IMMP2L: variants seen among roughly 807,000 people sequenced by gnomAD.
IMMP2L encodes the protein mitochondrial inner membrane protease subunit 2.
A neutral mutation model predicts 19.3 loss-of-function variants in IMMP2L; 18 were observed. The observed-to-expected ratio is 0.93, with a 90% CI of 0.64 to 1.38. The LOEUF (loss-of-function observed/expected upper bound fraction) is 1.38. Ranked by LOEUF, IMMP2L falls within the 40% of genes most tolerant of loss-of-function variation. The probability of loss-of-function intolerance (pLI) is 0.00; values close to 1 mark genes in which losing one functional copy is unlikely to be tolerated. For synonymous variants in IMMP2L, 76 were observed against 73.0 expected (o/e 1.04, Z -0.21); for missense variants, 233 against 218.2 (o/e 1.07, Z -0.43).
intron 4 of IMMP2L, among the ~76,000 whole-genome samples, chr7:110,919,461 A>G (rs1209103620): frequency 1.3e-5 from 2 of 152,166 alleles, no homozygotes; most frequent in African/African-American, 2.4e-5. Flanking sequence ...GACCTTTCTC[A>G]TAGAGACTCT....
In IMMP2L at chr7:111,521,324, C is replaced by G. The variant is rs1447584278; in HGVS notation, c.124G>C (p.Ala42Pro). 6.2e-7 allele frequency: 1 copy of G among 1,611,864 alleles called. No individual in the cohort carries two copies. The highest frequency in any genetic ancestry group is 1.1e-5 in the South Asian group (1 of 90,860). Residue 42 changes from alanine (A) to proline (P), a missense_variant, in exon 2 of 6, where the codon GCA becomes CCA. By Grantham distance (27) the Ala-to-Pro change is conservative. Coordinates refer to ENST00000405709, the MANE Select transcript of IMMP2L (RefSeq NM_032549.4). Reference protein sequence around the residue: ...RVACVARVEGASMQPSLNPGG... With the variant: ...RVACVARVEGPSMQPSLNPGG... ...TATATCATTTTCACCTGCATCGATG[C>G]TCCTTCTACTCTTGCCACACAGGCG...
chr7:110,808,322 A>G (rs1030874505), intron 5 of IMMP2L, among the ~76,000 whole-genome samples: 22 of 152,068 alleles, frequency 1.4e-4, no homozygotes, highest in Non-Finnish European at 2.8e-4. Flanking sequence ...AGCAGCCACC[A>G]TGCGCTAACA....
intron 3 of IMMP2L, among the ~76,000 whole-genome samples, chr7:111,173,373 A>C (rs1806668007): frequency 6.6e-6 from 1 of 151,650 alleles, no homozygotes; most frequent in Non-Finnish European, 1.5e-5. Flanking sequence ...ACACAATTTT[A>C]ATCACCTGAA....
intron 3 of IMMP2L, among the ~76,000 whole-genome samples, chr7:111,057,293 A>G (rs535299928): frequency 6.6e-6 from 1 of 152,314 alleles, no homozygotes; most frequent in African/African-American, 2.4e-5. Flanking sequence ...CCATTCCTCC[A>G]GAATATGAAA....
intron 2 of IMMP2L, among the ~76,000 whole-genome samples, chr7:111,508,408 ATTG>A (rs1262137716): frequency 6.6e-6 from 1 of 152,202 alleles, no homozygotes; most frequent in African/African-American, 2.4e-5. Flanking sequence ...TTGGTATAAT[ATTG>A]TTGTGGTCTT....
chr7:111,233,721 A>G (rs1813970231), intron 3 of IMMP2L, among the ~76,000 whole-genome samples: 1 of 152,102 alleles, frequency 6.6e-6, no homozygotes, highest in African/African-American at 2.4e-5. Context: ...CAGCACTTAC[A>G]ATGTGAACTC....
At chr7:111,219,892 T>C (rs1392848619) in intron 3 of IMMP2L, among the ~76,000 whole-genome samples, 4 of 151,994 alleles carry the variant, frequency 2.6e-5, no homozygotes, top group South Asian at 2.1e-4. Context: ...AGAGTAGTGA[T>C]AGAATGATTC....
chr7:111,327,000 G>A (rs1268976590), intron 3 of IMMP2L, among the ~76,000 whole-genome samples: 1 of 151,686 alleles, frequency 6.6e-6, no homozygotes, highest in Non-Finnish European at 1.5e-5. Context: ...GGAAAACGTA[G>A]TACATTTACA....
intron 3 of IMMP2L, among the ~76,000 whole-genome samples, chr7:111,469,193 C>G (rs1443422772): frequency 6.6e-6 from 1 of 152,076 alleles, no homozygotes; most frequent in Non-Finnish European, 1.5e-5. Flanking sequence ...TAGCGTGATG[C>G]CTCCAGCTTT....
intron 5 of IMMP2L, among the ~76,000 whole-genome samples, chr7:110,808,941 G>C (rs1032452656): frequency 1.3e-5 from 2 of 152,044 alleles, no homozygotes; most frequent in Non-Finnish European, 2.9e-5. Flanking sequence ...GGTTTCCTCG[G>C]AAATATGCTG....
At chr7:111,324,055 T>C (rs1383036999) in intron 3 of IMMP2L, among the ~76,000 whole-genome samples, 1 of 152,052 alleles carries the variant, frequency 6.6e-6, no homozygotes, top group Non-Finnish European at 1.5e-5. Context: ...GATGAGTTAA[T>C]GGGTGCAGAA....
chr7:110,874,474 T>C (rs1316531893), intron 5 of IMMP2L, among the ~76,000 whole-genome samples: 1 of 152,044 alleles, frequency 6.6e-6, no homozygotes, highest in Non-Finnish European at 1.5e-5. Flanking sequence ...GGGGTAATCA[T>C]AGGGTGGAGA....
At chr7:110,936,205 T>C (rs1816096801) in intron 4 of IMMP2L, among the ~76,000 whole-genome samples, 1 of 152,162 alleles carries the variant, frequency 6.6e-6, no homozygotes, top group Admixed American at 6.5e-5. Context: ...AAATGGGATC[T>C]AATTAAACTA....
In IMMP2L at chr7:111,016,848, ATATATAT is replaced by A. The variant is rs1563163311; in HGVS notation, c.240-53290_240-53284del. On this transcript the variant is annotated intron_variant, in intron 3 of 5. Transcript: ENST00000405709. The stretch of plus-strand genomic sequence containing the variant: ...TAATATATAGTATATATTATATATA[ATATATAT>A]TATATAATATATTACATATAATATA... Among the ~76,000 whole-genome samples, 35 of 86,126 alleles carry A rather than the reference ATATATAT, an allele frequency of 4.1e-4. 1 individual carries two copies. The East Asian group carries it at 4.2e-3, about 10-fold the overall frequency. The allele number at this position is 86,126 out of a possible 152,430, so 56.5% of individuals were successfully genotyped here. A position where few individuals can be genotyped will look rare whatever the true frequency, so the allele number is the denominator to read the frequency against.
chr7:111,365,516 G>A (rs555486808), intron 3 of IMMP2L, among the ~76,000 whole-genome samples: 122 of 152,140 alleles, frequency 8.0e-4, no homozygotes, highest in African/African-American at 2.8e-3. Context: ...TATAAATAAG[G>A]CAACAAGAAT....
At chr7:111,182,716 G>T (rs959074253) in intron 3 of IMMP2L, among the ~76,000 whole-genome samples, 1 of 151,944 alleles carries the variant, frequency 6.6e-6, no homozygotes, top group Non-Finnish European at 1.5e-5. Context: ...AGGGAGTCAT[G>T]ATTTCAAGAA....
At chr7:111,334,355 G>A (rs185351955) in intron 3 of IMMP2L, among the ~76,000 whole-genome samples, 14 of 151,844 alleles carry the variant, frequency 9.2e-5, no homozygotes, top group Admixed American at 4.6e-4. Flanking sequence ...TTAACAAAAC[G>A]GCCTTCTGTT....
chr7:110,777,880 T>C (rs1799497641), intron 5 of IMMP2L, among the ~76,000 whole-genome samples: 1 of 152,026 alleles, frequency 6.6e-6, no homozygotes, highest in Non-Finnish European at 1.5e-5. Context: ...GTCTTTCCTG[T>C]TCTAAAGCTT....
chr7:111,039,168 A>C (rs1791641909), intron 3 of IMMP2L, among the ~76,000 whole-genome samples: 2 of 152,200 alleles, frequency 1.3e-5, no homozygotes, highest in Admixed American at 1.3e-4. Flanking sequence ...AGTTCACTGC[A>C]TCTGTTCCGA....
Sources: allele counts gnomAD v4.1 joint callset (sites outside exome capture counted in the v4.1 genomes callset), GRCh38; gene constraint gnomAD v4.1.1; transcripts MANE v1.5; gene names NCBI Gene and HGNC (gene_info 2026-07-23, HGNC 2026-07-21).